PTPRN2: variants seen among roughly 807,000 people sequenced by gnomAD.
The protein encoded by PTPRN2 is protein tyrosine phosphatase receptor type N2.
In PTPRN2, 74 loss-of-function variants were observed where a neutral mutation model predicts 118.8. That is an observed-to-expected ratio of 0.62 (90% CI 0.52 to 0.76). PTPRN2 has a LOEUF of 0.76. Among genes scored for constraint, PTPRN2 ranks in the 30% least tolerant of loss-of-function variants. The probability of loss-of-function intolerance (pLI) is 0.00; values close to 1 mark genes in which losing one functional copy is unlikely to be tolerated. For missense variants in PTPRN2, 1,481 were observed against 1,394.4 expected, an observed-to-expected ratio of 1.06 and a Z score of -0.99; for synonymous variants, 641 against 608.0, an observed-to-expected ratio of 1.05 and a Z score of -0.80.
chr7:157,703,607 G>C (rs1215872212), intron 12 of PTPRN2, among the ~76,000 whole-genome samples: 2 of 144,094 alleles, frequency 1.4e-5, no homozygotes, highest in Non-Finnish European at 3.1e-5. Context: ...GGAACACCCA[G>C]CGTGGGTCTT....
At chr7:158,208,081 T>C (rs1827299724) in intron 3 of PTPRN2, among the ~76,000 whole-genome samples, 1 of 152,124 alleles carries the variant, frequency 6.6e-6, no homozygotes, top group African/African-American at 2.4e-5. Flanking sequence ...GACTGGCTAG[T>C]TGAAAATATG....
chr7:157,677,851 A>G (rs1796741756), intron 13 of PTPRN2, among the ~76,000 whole-genome samples: 1 of 152,198 alleles, frequency 6.6e-6, no homozygotes, highest in Non-Finnish European at 1.5e-5. Context: ...GCTGATTCCT[A>G]GTTAGTCCAG....
chr7:158,457,142 T>C (rs1361149746), intron 2 of PTPRN2, among the ~76,000 whole-genome samples: 1 of 152,116 alleles, frequency 6.6e-6, no homozygotes, highest in Non-Finnish European at 1.5e-5. Flanking sequence ...GTGGATTCAG[T>C]GTTTGTGGTT....
rs116032270 is a variant in PTPRN2, at chr7:157,880,505, C to T, written c.1788+18168G>A. 4.4e-3 allele frequency among the ~76,000 whole-genome samples: 666 copies of T among 152,294 alleles called. 2 individuals carry two copies. The highest frequency in any genetic ancestry group is 0.02 in the Middle Eastern group (6 of 294). On this transcript the variant is annotated intron_variant, in intron 12 of 22. Coordinates refer to ENST00000389418, the MANE Select transcript of PTPRN2 (RefSeq NM_002847.5). ...AGTCTTGGTCATCATGTGGCGTTGG[C>T]AGAAGGAGGACCCTGTACATCCTCC...
At chr7:158,319,398 C>CCACA (rs5888747) in intron 2 of PTPRN2, among the ~76,000 whole-genome samples, 1 of 118,930 alleles carries the variant, frequency 8.4e-6, no homozygotes, top group Non-Finnish European at 1.7e-5. Flanking sequence ...ACACAGCCTC[C>CCACA]CACACACACA....
intron 8 of PTPRN2, among the ~76,000 whole-genome samples, 187 bp from the exon 9 acceptor site, chr7:158,134,246 G>A (rs182063963): frequency 6.7e-4 from 102 of 152,258 alleles, no homozygotes; most frequent in Non-Finnish European, 1.3e-3. Flanking sequence ...CATGAGGTGT[G>A]AGGGCGCTGA....
rs541386484 is a variant in PTPRN2, at chr7:158,352,614, G to C, written c.164-35682C>G. ...CAGAAGCATCGTGCAGCTAGGAATA[G>C]AAGGCTCTGGGCCCCACACATTTCA... On this transcript the variant is annotated intron_variant, in intron 2 of 22. Transcript: ENST00000389418. 3.3e-5 allele frequency among the ~76,000 whole-genome samples: 5 copies of C among 152,324 alleles called. No individual in the cohort carries two copies. In the East Asian group the frequency reaches 7.7e-4, roughly 23 times the overall value.
chr7:158,443,791 C>T (rs909638948), intron 2 of PTPRN2, among the ~76,000 whole-genome samples: 1 of 152,188 alleles, frequency 6.6e-6, no homozygotes, highest in Non-Finnish European at 1.5e-5. Flanking sequence ...GGAGCTTCCT[C>T]TACCATGTGA....
intron 1 of PTPRN2, among the ~76,000 whole-genome samples, chr7:158,556,416 T>C (rs1363218967): frequency 6.6e-6 from 1 of 152,028 alleles, no homozygotes; most frequent in Admixed American, 6.5e-5. Context: ...TAGCCGGGCA[T>C]GGTGGCGCAT....
At chr7:157,712,661 G>A (rs1798703291) in intron 12 of PTPRN2, among the ~76,000 whole-genome samples, 1 of 148,574 alleles carries the variant, frequency 6.7e-6, no homozygotes, top group Admixed American at 6.8e-5. Flanking sequence ...TGAGGCAGGA[G>A]AATTGCTTGA....
chr7:157,860,769 T>C (rs911002547), intron 12 of PTPRN2, among the ~76,000 whole-genome samples: 4 of 152,218 alleles, frequency 2.6e-5, no homozygotes, highest in Non-Finnish European at 4.4e-5. Flanking sequence ...CAAATACACA[T>C]AGTTAAAATG....
chr7:158,221,192 C>T (rs1477945452), intron 3 of PTPRN2, among the ~76,000 whole-genome samples: 1 of 152,108 alleles, frequency 6.6e-6, no homozygotes, highest in Non-Finnish European at 1.5e-5. Flanking sequence ...TGACTCCTTC[C>T]TTTTACCATA....
At chr7:157,546,825 C>T (rs1166295511) in intron 22 of PTPRN2, among the ~76,000 whole-genome samples, 3 of 152,208 alleles carry the variant, frequency 2.0e-5, no homozygotes, top group African/African-American at 7.2e-5. Flanking sequence ...CACGAAGGGT[C>T]CTGGGACCAC....
chr7:158,463,272 T>C, intron 2 of PTPRN2, among the ~76,000 whole-genome samples: 1 of 152,176 alleles, frequency 6.6e-6, no homozygotes, highest in East Asian at 1.9e-4. Context: ...TTCTCATTTC[T>C]GTCCCCCACC....
intron 11 of PTPRN2, among the ~76,000 whole-genome samples, chr7:158,044,003 C>G (rs944389398): frequency 4.6e-5 from 7 of 152,158 alleles, no homozygotes; most frequent in African/African-American, 1.7e-4. Flanking sequence ...GGCCACACGC[C>G]GAGGCTGTGA....
intron 3 of PTPRN2, among the ~76,000 whole-genome samples, chr7:158,230,503 G>A (rs1829093681): frequency 6.6e-6 from 1 of 152,154 alleles, no homozygotes. Context: ...ACAATAGGAA[G>A]TCAAAGTGTG....
chr7:158,103,351 T>G (rs995634468), intron 10 of PTPRN2, among the ~76,000 whole-genome samples: 2 of 152,150 alleles, frequency 1.3e-5, no homozygotes, highest in Admixed American at 1.3e-4. Flanking sequence ...CTCCTTCCAG[T>G]TCAAAGTAAG....
rs563724821 is a variant in PTPRN2 at position 158,133,834 on chromosome 7, C to T, written c.1399G>A (p.Ala467Thr). Residue 467 changes from alanine to threonine, a missense_variant, in exon 9 of 23, where the codon GCC becomes ACC. Coordinates refer to ENST00000389418, the MANE Select transcript of PTPRN2 (RefSeq NM_002847.5). ...TTTTGGAGCTCCCCAAACGCAGCGGCCCCGGGCTCCGAATGCGGCTGCTGC... is the reference window on the plus strand; with the variant it reads ...TTTTGGAGCTCCCCAAACGCAGCGGTCCCGGGCTCCGAATGCGGCTGCTGC... ...LGQQPHSEPG[A>T]AAFGELQNQM... is the part of the protein sequence containing the mutation. 1.9e-6 allele frequency: 3 copies of T among 1,614,002 alleles called. No individual in the cohort carries two copies. The highest frequency in any genetic ancestry group is 2.2e-5 in the East Asian group (1 of 44,890).
chr7:158,407,277 G>C (rs368046118), intron 2 of PTPRN2, among the ~76,000 whole-genome samples: 35 of 39,860 alleles, frequency 8.8e-4, no homozygotes, highest in African/African-American at 1.7e-3. Flanking sequence ...CTGGGTCCTG[G>C]GTCCTGGGTC....
Sources: gnomAD v4.1 joint callset for allele counts (sites outside exome capture counted in the v4.1 genomes callset) on GRCh38, gnomAD v4.1.1 for gene constraint, MANE v1.5 for transcripts, NCBI Gene and HGNC (gene_info 2026-07-23, HGNC 2026-07-21) for gene names.